NECTIN3: variants seen among roughly 807,000 people sequenced by gnomAD.
NECTIN3 encodes nectin cell adhesion molecule 3.
Under a neutral mutation model 49.4 loss-of-function variants are expected in NECTIN3, and 8 were observed. The ratio of observed to expected loss-of-function variants is 0.16; its 90% CI spans 0.10 to 0.29. NECTIN3 has a LOEUF of 0.29. Ranked by LOEUF, NECTIN3 falls within the 10% of genes least tolerant of loss-of-function variation. NECTIN3 has a pLI of 1.00. For missense variants in NECTIN3, 581 were observed against 654.6 expected, an observed-to-expected ratio of 0.89 and a Z score of 1.23; for synonymous variants, 277 against 241.1, an observed-to-expected ratio of 1.15 and a Z score of -1.38.
Position 111,121,608 on chromosome 3 carries a change from A to G in NECTIN3, c.800-513A>G, listed in dbSNP as rs572637341. The stretch of plus-strand genomic sequence containing the variant: ...TGTGTCACATCTCTACATGCCCCCA[A>G]TATATTAATTAATTGTAACATAGGG... On this transcript the variant is annotated intron_variant, in intron 3 of 5. Transcript: ENST00000485303. Among the ~76,000 whole-genome samples the G allele has an allele frequency of 2.5e-3, 381 of 152,254 alleles. 2 individuals are homozygous for G. Among genetic ancestry groups the G allele is most frequent in the Non-Finnish European group, 4.2e-3 (285 of 68,016 alleles).
At chr3:111,092,622 G>A (rs2032334579) in intron 1 of NECTIN3, among the ~76,000 whole-genome samples, 1 of 65,768 alleles carries the variant, frequency 1.5e-5, no homozygotes, top group Non-Finnish European at 9.2e-5. Flanking sequence ...GGTTTATCTG[G>A]ACTCAGTACT....
At chr3:111,150,643 G>A (rs867983334) in intron 7 of NECTIN3, among the ~76,000 whole-genome samples, 1 of 151,624 alleles carries the variant, frequency 6.6e-6, no homozygotes, top group South Asian at 2.1e-4. Context: ...TATTGCAGAA[G>A]TATTTTTCTA....
chr3:111,118,247 GCTATATAT>G (rs2033774908), intron 2 of NECTIN3, among the ~76,000 whole-genome samples: 1 of 17,454 alleles, frequency 5.7e-5, no homozygotes, highest in African/African-American at 1.4e-4. Flanking sequence ...GTAAAATGAA[GCTATATAT>G]ATATATATAT....
intron 7 of NECTIN3, among the ~76,000 whole-genome samples, chr3:111,167,309 G>A (rs565354549): frequency 1.3e-5 from 2 of 152,276 alleles, no homozygotes; most frequent in East Asian, 1.9e-4. Flanking sequence ...TTTTTAGCTG[G>A]AAGGGACCTC....
chr3:111,173,637 G>A (rs1206843773), intron 7 of NECTIN3, among the ~76,000 whole-genome samples: 2 of 152,070 alleles, frequency 1.3e-5, no homozygotes, highest in African/African-American at 4.8e-5. Context: ...TGAAAAATCT[G>A]TGTTCTGATT....
intron 1 of NECTIN3, among the ~76,000 whole-genome samples, chr3:111,088,367 A>G (rs1456447249): frequency 6.6e-6 from 1 of 152,188 alleles, no homozygotes; most frequent in Admixed American, 6.5e-5. Context: ...TTCAGGTATC[A>G]GAATTGTGAG....
At chr3:111,088,267 A>G (rs2032049579) in intron 1 of NECTIN3, among the ~76,000 whole-genome samples, 1 of 152,182 alleles carries the variant, frequency 6.6e-6, no homozygotes, top group Non-Finnish European at 1.5e-5. Flanking sequence ...TCCCATTGCC[A>G]TGTGATCTCT....
At chr3:111,112,962 A>T (rs1469503863) in intron 2 of NECTIN3, among the ~76,000 whole-genome samples, 2 of 152,166 alleles carry the variant, frequency 1.3e-5, no homozygotes, top group Non-Finnish European at 2.9e-5. Context: ...ACCAATTTGG[A>T]AATGCTGATA....
At chr3:111,113,180 C>A (rs1026751356) in intron 2 of NECTIN3, among the ~76,000 whole-genome samples, 1 of 152,116 alleles carries the variant, frequency 6.6e-6, no homozygotes, top group Non-Finnish European at 1.5e-5. Context: ...CTAAGTGAGG[C>A]AGTGGTAGCC....
intron 1 of NECTIN3, among the ~76,000 whole-genome samples, chr3:111,094,438 G>A (rs945714215): frequency 3.9e-5 from 6 of 152,180 alleles, no homozygotes; most frequent in African/African-American, 1.2e-4. Context: ...TTTCATCAGT[G>A]CTGTGAGGAG....
chr3:111,096,731 C>T (rs995933160), intron 1 of NECTIN3, among the ~76,000 whole-genome samples: 1 of 152,174 alleles, frequency 6.6e-6, no homozygotes, highest in Admixed American at 6.5e-5. Context: ...GTGGAAGCCC[C>T]AAGCCTTGGC....
At chr3:111,089,041 G>A (rs1171511260) in intron 1 of NECTIN3, among the ~76,000 whole-genome samples, 1 of 151,890 alleles carries the variant, frequency 6.6e-6, no homozygotes, top group African/African-American at 2.4e-5. Flanking sequence ...GCATTTTTGT[G>A]GGAATTTGTC....
At chr3:111,177,353 T>G (rs2035549506) in intron 7 of NECTIN3, among the ~76,000 whole-genome samples, 1 of 152,196 alleles carries the variant, frequency 6.6e-6, no homozygotes, top group Admixed American at 6.5e-5. Flanking sequence ...GATGCTAGAT[T>G]AAATATGAGA....
intron 2 of NECTIN3, among the ~76,000 whole-genome samples, chr3:111,116,450 C>G (rs970604595): frequency 1.1e-4 from 17 of 152,024 alleles, no homozygotes; most frequent in Admixed American, 2.0e-4. Context: ...TAATTCTTTT[C>G]AACTGATTGG....
In NECTIN3 at chr3:111,072,524, C is replaced by T. The variant is rs1172055252; in HGVS notation, c.160+347C>T. 3 of 1,535,770 alleles carry T rather than the reference C, an allele frequency of 2.0e-6. No homozygotes were observed. The African/African-American group carries it at 4.1e-5, about 21-fold the overall frequency. On this transcript the variant is annotated intron_variant, in intron 1 of 5. Transcript: ENST00000485303. ...CTGGGAACCCTCGTAGGTTAAGGTG[C>T]CGGGATGCACGTTTGCCGCTTTTTT... is the stretch of plus-strand genomic sequence containing the variant.
chr3:111,072,840 T>A (rs2030885555), intron 1 of NECTIN3: 1 of 364,794 alleles, frequency 2.7e-6, no homozygotes, highest in Admixed American at 4.5e-5. Flanking sequence ...GAACAAGATT[T>A]ACGTGTTAAA....
chr3:111,185,270 C>T (rs1052058109), intron 7 of NECTIN3, among the ~76,000 whole-genome samples: 3 of 151,998 alleles, frequency 2.0e-5, no homozygotes, highest in African/African-American at 4.8e-5. Flanking sequence ...TCTCTTCTTA[C>T]GTCACCAGAA....
chr3:111,109,053 A>G (rs1348254117), intron 1 of NECTIN3, among the ~76,000 whole-genome samples: 1 of 152,178 alleles, frequency 6.6e-6, no homozygotes, highest in African/African-American at 2.4e-5. Context: ...CAGCAGATCC[A>G]GTTCTTGATG....
chr3:111,147,855 A>T (rs2034913135), intron 7 of NECTIN3, among the ~76,000 whole-genome samples: 1 of 152,210 alleles, frequency 6.6e-6, no homozygotes, highest in Admixed American at 6.5e-5. Context: ...TAGAAAATGA[A>T]TATCTGTTGA....
Sources: gnomAD v4.1 joint callset for allele counts (sites outside exome capture counted in the v4.1 genomes callset) on GRCh38, gnomAD v4.1.1 for gene constraint, MANE v1.5 for transcripts, NCBI Gene and HGNC (gene_info 2026-07-23, HGNC 2026-07-21) for gene names.